Variants in PDE4C observed in about 807,000 individuals in gnomAD.
PDE4C encodes phosphodiesterase 4C.
A neutral mutation model predicts 63.9 loss-of-function variants in PDE4C; 50 were observed. That is an observed-to-expected ratio of 0.78 (90% confidence interval 0.62 to 0.99). PDE4C has a LOEUF of 0.99. Ranked by LOEUF, PDE4C falls within the 50% of genes least tolerant of loss-of-function variation. PDE4C has a pLI of 0.00. For missense variants in PDE4C, 777 were observed against 899.1 expected, an observed-to-expected ratio of 0.86 and a Z score of 1.74; for synonymous variants, 377 against 385.1, an observed-to-expected ratio of 0.98 and a Z score of 0.25.
At chr19:18,250,158 A>C, upstream of PDE4C, 1 of 398,682 alleles carries the variant, frequency 2.5e-6, no homozygotes. Flanking sequence ...GGCAAAGGAC[A>C]ATCTGTCATT....
chr19:18,254,749 C>A, the PDE4C span, among the ~76,000 whole-genome samples: 1 of 152,094 alleles, frequency 6.6e-6, no homozygotes, highest in East Asian at 1.9e-4. Context: ...CAAGGCTCCT[C>A]CCCTCCACCC....
In PDE4C at chr19:18,242,912, T is replaced by C. The variant is rs527359884; in HGVS notation, c.-210+5259A>G. ...AATGTTGAGGTTTTGAGGAATGTGA[T>C]CTACTTGGGGATCACAGGAAGCCTG... On this transcript the variant is annotated intron_variant, in intron 1 of 15. Coordinates refer to the PDE4C transcript ENST00000594617. Among the ~76,000 whole-genome samples, 5 of 151,886 alleles carry C rather than the reference T, an allele frequency of 3.3e-5. No individual in the cohort carries two copies. In the South Asian group the frequency reaches 6.2e-4, roughly 19 times the overall value.
upstream of PDE4C, among the ~76,000 whole-genome samples, chr19:18,250,778 T>A (rs1969220832): frequency 6.6e-6 from 1 of 151,086 alleles, no homozygotes; most frequent in South Asian, 2.1e-4. Context: ...GGACAATTTT[T>A]TTTTTTTTTT....
chr19:18,238,808 T>C (rs972013621), intron 1 of PDE4C, among the ~76,000 whole-genome samples: 1 of 151,792 alleles, frequency 6.6e-6, no homozygotes, highest in Non-Finnish European at 1.5e-5. Context: ...CTGGCCAACA[T>C]AGGGAAACCC....
chr19:18,244,558 G>A (rs560517180), intron 1 of PDE4C, among the ~76,000 whole-genome samples: 1 of 152,212 alleles, frequency 6.6e-6, no homozygotes, highest in African/African-American at 2.4e-5. Context: ...TGTCACCCAG[G>A]CTGGAGTGCA....
Position 18,216,666 on chromosome 19 carries a change from C to A in PDE4C, c.1389+75G>T. The A allele has an allele frequency of 2.1e-6, 3 of 1,431,728 alleles. No homozygotes were observed. The Admixed American group carries it at 6.2e-5, about 30-fold the overall frequency. The allele number at this position is 1,431,728 out of a possible 1,614,324, so 88.7% of individuals were successfully genotyped here. ...CGCCGGCCATGCCAATATCACCCCA[C>A]CCTGCTGTCTGCAGATGAGAAGGAT... is the stretch of plus-strand genomic sequence containing the variant. On this transcript the variant is annotated intron_variant, in intron 12 of 14. Transcript: ENST00000262805.
intron 1 of PDE4C, among the ~76,000 whole-genome samples, chr19:18,231,826 T>C (rs1968854108): frequency 6.6e-6 from 1 of 152,050 alleles, no homozygotes; most frequent in Non-Finnish European, 1.5e-5. Flanking sequence ...GATTCTACAT[T>C]ATCTTTCTAT....
downstream of PDE4C, chr19:18,208,852 A>AGGG (rs1283400858): frequency 1.3e-5 from 2 of 152,176 alleles, no homozygotes; most frequent in South Asian, 4.1e-4. Context: ...CCCTCCCTCT[A>AGGG]GGGGGAGTCT....
At chr19:18,245,691 G>A (rs1289539704) in intron 1 of PDE4C, among the ~76,000 whole-genome samples, 1 of 152,074 alleles carries the variant, frequency 6.6e-6, no homozygotes, top group Non-Finnish European at 1.5e-5. Context: ...TCTGTCTCAT[G>A]AGCCCTGTCA....
upstream of PDE4C, chr19:18,252,048 ATC>A (rs1969236308): frequency 2.5e-6 from 1 of 398,336 alleles, no homozygotes; most frequent in Non-Finnish European, 4.4e-6. Context: ...AAACACCCAA[ATC>A]TCTTAATACT....
chr19:18,214,010 G>A (rs1423707908), intron 12 of PDE4C, among the ~76,000 whole-genome samples: 1 of 151,992 alleles, frequency 6.6e-6, no homozygotes, highest in Non-Finnish European at 1.5e-5. Flanking sequence ...TGTAATCCCA[G>A]CACTTTGGGA....
intron 1 of PDE4C, chr19:18,224,509 AAG>A: frequency 3.0e-6 from 3 of 985,486 alleles, no homozygotes; most frequent in Non-Finnish European, 3.6e-6. Flanking sequence ...CTTGGTCACG[AAG>A]AGTTTGTTCG....
At chr19:18,221,728 G>A (rs182094128) in intron 2 of PDE4C, among the ~76,000 whole-genome samples, 2 of 152,164 alleles carry the variant, frequency 1.3e-5, no homozygotes, top group African/African-American at 2.4e-5. Context: ...GGGTTCAAGC[G>A]ATTCTCGTGC....
upstream of PDE4C, chr19:18,252,585 C>T (rs1010123429): frequency 2.3e-5 from 9 of 396,990 alleles, no homozygotes; most frequent in Admixed American, 1.8e-4. Context: ...GGCAACATAG[C>T]GAGACCCTCT....
chr19:18,232,639 C>G (rs1968873033), intron 1 of PDE4C, among the ~76,000 whole-genome samples: 1 of 152,054 alleles, frequency 6.6e-6, no homozygotes, highest in Non-Finnish European at 1.5e-5. Context: ...CATACCCAAG[C>G]ATGAACGTAC....
chr19:18,241,252 C>T (rs1568268136), intron 1 of PDE4C, among the ~76,000 whole-genome samples: 10 of 114,472 alleles, frequency 8.7e-5, no homozygotes, highest in Admixed American at 3.2e-4. Flanking sequence ...TTTTTCTTCT[C>T]TTGTTTTTTT....
upstream of PDE4C, among the ~76,000 whole-genome samples, chr19:18,238,236 CTCTT>C (rs1568267190): frequency 5.4e-5 from 8 of 149,440 alleles, no homozygotes; most frequent in South Asian, 4.2e-4. Flanking sequence ...CTCTCTCTCT[CTCTT>C]TTTTTTTTTT....
chr19:18,222,060 A>C, intron 2 of PDE4C, 72 bp downstream of exon 2: 9 of 1,324,964 alleles, frequency 6.8e-6, no homozygotes, highest in Non-Finnish European at 9.4e-6. Flanking sequence ...TATTTGAAGG[A>C]GCTTGCTGAA....
At chr19:18,247,917 C>T (rs1009957221) in intron 1 of PDE4C, among the ~76,000 whole-genome samples, 3 of 152,158 alleles carry the variant, frequency 2.0e-5, no homozygotes, top group African/African-American at 7.2e-5. Flanking sequence ...GACCTTGCAG[C>T]GGTCCCCATC....
Sources: gnomAD v4.1 joint callset for allele counts (sites outside exome capture counted in the v4.1 genomes callset) on GRCh38, gnomAD v4.1.1 for gene constraint, MANE v1.5 for transcripts, NCBI Gene and HGNC (gene_info 2026-07-23, HGNC 2026-07-21) for gene names.